HAPLN1: variants seen among roughly 807,000 people sequenced by gnomAD.
HAPLN1 encodes the protein hyaluronan and proteoglycan link protein 1.
A neutral mutation model predicts 36.5 loss-of-function variants in HAPLN1; 13 were observed. The observed-to-expected ratio is 0.36, with a 90% CI of 0.23 to 0.57. HAPLN1 has a LOEUF of 0.57. Among genes scored for constraint, HAPLN1 ranks in the 20% least tolerant of loss-of-function variants. The pLI is 0.83. For missense variants in HAPLN1, 407 were observed against 439.7 expected (o/e 0.93, Z 0.66); for synonymous variants, 202 against 169.8 (o/e 1.19, Z -1.48).
chr5:83,678,209 T>G (rs1399611537), intron 1 of HAPLN1, among the ~76,000 whole-genome samples: 1 of 125,432 alleles, frequency 8.0e-6, no homozygotes, highest in Non-Finnish European at 1.7e-5. Context: ...TTCCTTTTTA[T>G]CTATAGTTTG....
At chr5:83,714,958 C>T (rs186767498) in intron 1 of HAPLN1, among the ~76,000 whole-genome samples, 29 of 152,286 alleles carry the variant, frequency 1.9e-4, no homozygotes, top group African/African-American at 7.0e-4. Flanking sequence ...CTGGCTAAAG[C>T]GCTAGGGGAG....
intron 1 of HAPLN1, among the ~76,000 whole-genome samples, chr5:83,713,301 T>A (rs548425195): frequency 2.6e-5 from 4 of 152,298 alleles, no homozygotes; most frequent in East Asian, 1.9e-4. Context: ...TCAACAAACA[T>A]GTCTGGCACC....
Position 83,640,953 on chromosome 5 carries a change from T to C in HAPLN1, c.*543A>G, listed in dbSNP as rs1749668836. ...GTCAGAAAGGCAGGATTTTAAAGAG[T>C]AAAATATTCTGCCTATTAGAGACTT... is the stretch of plus-strand genomic sequence containing the variant. On this transcript the variant is annotated 3_prime_UTR_variant, in exon 5 of 5. Coordinates refer to ENST00000274341, the MANE Select transcript of HAPLN1 (RefSeq NM_001884.4). 6.7e-6 allele frequency: 1 copy of C among 149,922 alleles called. No homozygotes were observed. Among genetic ancestry groups the C allele is most frequent in the Admixed American group, 6.7e-5 (1 of 14,866 alleles). The allele number at this position is 149,922 out of a possible 1,614,324, so 9.3% of individuals were successfully genotyped here.
intron 2 of HAPLN1, among the ~76,000 whole-genome samples, chr5:83,654,919 A>G (rs919723766): frequency 2.0e-5 from 3 of 152,224 alleles, no homozygotes; most frequent in Non-Finnish European, 4.4e-5. Context: ...ACAATATACA[A>G]TTAACCTAAT....
chr5:83,692,623 A>G (rs1212655022), intron 1 of HAPLN1, among the ~76,000 whole-genome samples: 1 of 151,978 alleles, frequency 6.6e-6, no homozygotes. Flanking sequence ...ATAAATATTT[A>G]AGAAACTTCT....
chr5:83,710,931 A>T (rs1751766984), intron 1 of HAPLN1, among the ~76,000 whole-genome samples: 1 of 152,116 alleles, frequency 6.6e-6, no homozygotes, highest in African/African-American at 2.4e-5. Flanking sequence ...AGCCTGGGCG[A>T]CAGAGAGAGA....
In HAPLN1 at chr5:83,641,783, G is replaced by T; in HGVS notation, c.778C>A (p.Arg260Ser). The T allele has an allele frequency of 6.2e-7, 1 of 1,612,500 alleles. No individual in the cohort carries two copies. Among genetic ancestry groups the T allele is most frequent in the East Asian group, 2.2e-5 (1 of 44,854 alleles). ...VFCFTSNFNG[R>S]FYYLIHPTKL... Reference sequence around the variant, plus strand: ...GTGGGGTGGATCAGATAGTAAAAACGGCCTGTAGAGAAAAGGAGACAGAGT... The same window carrying T: ...GTGGGGTGGATCAGATAGTAAAAACTGCCTGTAGAGAAAAGGAGACAGAGT... The change falls in exon 5 of 5, where the codon CGT becomes AGT. Residue 260 changes from arginine (R) to serine (S), a missense_variant and splice_region_variant. Coordinates refer to ENST00000274341, the MANE Select transcript of HAPLN1 (RefSeq NM_001884.4).
intron 2 of HAPLN1, among the ~76,000 whole-genome samples, chr5:83,660,498 C>A (rs1750355017): frequency 6.6e-6 from 1 of 152,050 alleles, no homozygotes; most frequent in South Asian, 2.1e-4. Context: ...TCACGAGGCC[C>A]CAAGGAGCTC....
intron 1 of HAPLN1, among the ~76,000 whole-genome samples, chr5:83,711,019 T>C (rs549731387): frequency 6.6e-6 from 1 of 152,140 alleles, no homozygotes; most frequent in Non-Finnish European, 1.5e-5. Context: ...ATAGATCTAA[T>C]AAATAGAGAT....
rs148335092 is a variant in HAPLN1 at position 83,650,100 on chromosome 5, C to T, written c.472+2353G>A. ...TTTCAGAATTTTCTAAAGCCTGAAG[C>T]AGCTGAATGCTCCTGTTTTTTTAAA... On this transcript the variant is annotated intron_variant, in intron 3 of 4. Transcript: ENST00000274341. Among the ~76,000 whole-genome samples the T allele has an allele frequency of 1.0e-3, 152 of 152,322 alleles. 1 individual carries two copies. The East Asian group carries it at 0.019, about 19-fold the overall frequency.
intron 1 of HAPLN1, among the ~76,000 whole-genome samples, chr5:83,705,822 T>C (rs760518158): frequency 1.3e-5 from 2 of 151,898 alleles, no homozygotes; most frequent in Non-Finnish European, 2.9e-5. Context: ...ATCGAAAGAC[T>C]GCTAACTAGG....
intron 1 of HAPLN1, among the ~76,000 whole-genome samples, chr5:83,706,532 G>A (rs767757863): frequency 2.0e-5 from 3 of 151,936 alleles, no homozygotes; most frequent in Non-Finnish European, 4.4e-5. Context: ...TTTCAACATC[G>A]CTTCATGTTA....
Position 83,638,759 on chromosome 5 carries a change from G to C in HAPLN1, c.*2737C>G, listed in dbSNP as rs952643913. 6.6e-6 allele frequency: 1 copy of C among 152,058 alleles called. No individual in the cohort carries two copies. Among genetic ancestry groups the C allele is most frequent in the Non-Finnish European group, 1.5e-5 (1 of 67,928 alleles). 9.4% of individuals were successfully genotyped at this position (152,058 alleles called of 1,614,324 possible). On this transcript the variant is annotated 3_prime_UTR_variant, in exon 5 of 5. Coordinates refer to ENST00000274341, the MANE Select transcript of HAPLN1 (RefSeq NM_001884.4). ...ACGCCATATTTGGCTAAAAATTACT[G>C]TGACACAATATGACAGCACTCACTT...
chr5:83,717,470 A>G (rs1037159858), intron 1 of HAPLN1, among the ~76,000 whole-genome samples: 6 of 152,160 alleles, frequency 3.9e-5, no homozygotes, highest in Non-Finnish European at 8.8e-5. Context: ...CCCAAGTAAC[A>G]AATTCATCAT....
intron 1 of HAPLN1, among the ~76,000 whole-genome samples, chr5:83,719,176 G>A (rs1751972939): frequency 6.6e-6 from 1 of 152,208 alleles, no homozygotes; most frequent in African/African-American, 2.4e-5. Context: ...ATTCCTCTGA[G>A]AGACAGGGCC....
intron 1 of HAPLN1, among the ~76,000 whole-genome samples, chr5:83,677,446 G>C (rs1358910390): frequency 6.6e-6 from 1 of 152,174 alleles, no homozygotes; most frequent in Non-Finnish European, 1.5e-5. Context: ...GCATAGTTCT[G>C]TGAAAGTTCA....
chr5:83,679,659 C>A (rs960750295), intron 1 of HAPLN1, among the ~76,000 whole-genome samples: 1 of 152,104 alleles, frequency 6.6e-6, no homozygotes, highest in African/African-American at 2.4e-5. Flanking sequence ...TAACTACTTA[C>A]AACTATACTA....
rs336962 is a variant in HAPLN1, at chr5:83,675,528, A to G, written c.-26-1979T>C. Among the ~76,000 whole-genome samples the G allele has an allele frequency of 2.0e-5, 3 of 151,630 alleles. No individual in the cohort carries two copies. In the South Asian group the frequency reaches 6.2e-4, roughly 31 times the overall value. On this transcript the variant is annotated intron_variant, in intron 1 of 4. Coordinates refer to ENST00000274341, the MANE Select transcript of HAPLN1 (RefSeq NM_001884.4). ...ACACTAGGTTAGAGTTGTTTATCCTACCACTGCAACCATCTTGAATTTCAT... is the reference window on the plus strand; with the variant it reads ...ACACTAGGTTAGAGTTGTTTATCCTGCCACTGCAACCATCTTGAATTTCAT...
At chr5:83,699,670 A>C (rs1026345363) in intron 1 of HAPLN1, among the ~76,000 whole-genome samples, 1 of 152,222 alleles carries the variant, frequency 6.6e-6, no homozygotes, top group Non-Finnish European at 1.5e-5. Context: ...AATATGCCAA[A>C]AATTCAGATT....
Sources: allele counts gnomAD v4.1 joint callset (sites outside exome capture counted in the v4.1 genomes callset), GRCh38; gene constraint gnomAD v4.1.1; transcripts MANE v1.5; gene names NCBI Gene and HGNC (gene_info 2026-07-23, HGNC 2026-07-21).